Variants in SORCS3 observed in about 807,000 individuals in gnomAD.
SORCS3 encodes sortilin related VPS10 domain containing receptor 3.
A neutral mutation model predicts 146.3 loss-of-function variants in SORCS3; 57 were observed. That is an observed-to-expected ratio of 0.39 (90% CI 0.31 to 0.49). SORCS3 has a LOEUF of 0.49. SORCS3 is among the 20% of genes least tolerant of loss of function. SORCS3 has a pLI of 0.92. For missense variants in SORCS3, 1,341 were observed against 1,575.5 expected, an observed-to-expected ratio of 0.85 and a Z score of 2.52; for synonymous variants, 653 against 618.5, an observed-to-expected ratio of 1.06 and a Z score of -0.83.
chr10:104,817,713 T>C (rs2017820037), intron 1 of SORCS3, among the ~76,000 whole-genome samples: 1 of 96,074 alleles, frequency 1.0e-5, no homozygotes, highest in Non-Finnish European at 2.0e-5. Context: ...TTATTTTCCC[T>C]CCCCTCCTCC....
chr10:104,947,287 A>T (rs897544206), intron 3 of SORCS3, among the ~76,000 whole-genome samples: 4 of 152,126 alleles, frequency 2.6e-5, no homozygotes, highest in Non-Finnish European at 5.9e-5. Flanking sequence ...GGGTCCATGC[A>T]TTCTGTAGTT....
At chr10:105,219,450 C>A (rs894205055) in intron 19 of SORCS3, among the ~76,000 whole-genome samples, 11 of 152,148 alleles carry the variant, frequency 7.2e-5, no homozygotes, top group Admixed American at 2.0e-4. Context: ...TCCAGATTCC[C>A]AATGGAAAGC....
Position 104,899,293 on chromosome 10 carries a change from A to T in SORCS3, c.696-16540A>T, listed in dbSNP as rs565727703. Among the ~76,000 whole-genome samples, 5 of 152,324 alleles carry T rather than the reference A, an allele frequency of 3.3e-5. No homozygotes were observed. In the South Asian group the frequency reaches 8.3e-4, roughly 25 times the overall value. ...CACATTAAAACTTACAGACTCACAC[A>T]CATCCTTTCAGGGAGATTCCTGCCA... On this transcript the variant is annotated intron_variant, in intron 2 of 26. Coordinates refer to ENST00000369701, the MANE Select transcript of SORCS3 (RefSeq NM_014978.3).
intron 2 of SORCS3, among the ~76,000 whole-genome samples, chr10:104,876,452 T>C (rs2018572472): frequency 6.6e-6 from 1 of 152,152 alleles, no homozygotes; most frequent in Non-Finnish European, 1.5e-5. Context: ...GTCTGGCACT[T>C]ATAGATCTGT....
At chr10:104,741,242 A>C (rs2016838943) in intron 1 of SORCS3, among the ~76,000 whole-genome samples, 1 of 141,034 alleles carries the variant, frequency 7.1e-6, no homozygotes, top group Non-Finnish European at 1.5e-5. Context: ...GAGTACTGGG[A>C]TTATAGGCAC....
At chr10:104,886,848 T>A (rs1172290216) in intron 2 of SORCS3, among the ~76,000 whole-genome samples, 1 of 152,206 alleles carries the variant, frequency 6.6e-6, no homozygotes, top group Non-Finnish European at 1.5e-5. Flanking sequence ...TTCCACAATT[T>A]ACCCACTACC....
chr10:104,867,306 A>G lies in SORCS3; in HGVS notation c.695+24447A>G, dbSNP rs147799309. Among the ~76,000 whole-genome samples, 1,298 of 150,816 alleles carry G rather than the reference A, an allele frequency of 8.6e-3. 17 individuals carry two copies. The highest frequency in any genetic ancestry group is 0.03 in the African/African-American group (1,227 of 41,178). ...GTGAGGAAAGTGAAATTCCCAGTGT[A>G]CAATTTTTTTTTTTTTTTTTTGAGA... is the stretch of plus-strand genomic sequence containing the variant. On this transcript the variant is annotated intron_variant, in intron 2 of 26. Transcript: ENST00000369701.
At chr10:104,812,896 T>A (rs1011630200) in intron 1 of SORCS3, among the ~76,000 whole-genome samples, 1 of 152,224 alleles carries the variant, frequency 6.6e-6, no homozygotes, top group Non-Finnish European at 1.5e-5. Flanking sequence ...GGGTGGATCA[T>A]GGGTATATGG....
intron 2 of SORCS3, among the ~76,000 whole-genome samples, chr10:104,853,595 A>C (rs2018297220): frequency 6.6e-6 from 1 of 152,218 alleles, no homozygotes; most frequent in South Asian, 2.1e-4. Context: ...TGAGGTTTAA[A>C]TTCCTGGAAG....
intron 1 of SORCS3, among the ~76,000 whole-genome samples, chr10:104,777,492 G>A (rs888344363): frequency 1.1e-4 from 16 of 152,180 alleles, no homozygotes; most frequent in African/African-American, 2.9e-4. Flanking sequence ...CTTTGCCCTC[G>A]CAACCTATTC....
intron 4 of SORCS3, among the ~76,000 whole-genome samples, chr10:105,008,955 G>A (rs1285846180): frequency 2.6e-5 from 4 of 152,178 alleles, no homozygotes; most frequent in African/African-American, 9.7e-5. Context: ...CTTGAGCTGA[G>A]TTTTGGCTGC....
At chr10:104,816,944 C>T (rs1346898516) in intron 1 of SORCS3, among the ~76,000 whole-genome samples, 1 of 152,180 alleles carries the variant, frequency 6.6e-6, no homozygotes, top group Non-Finnish European at 1.5e-5. Flanking sequence ...TGGAGGGAGG[C>T]CAAGCCTTCA....
chr10:104,907,550 A>C (rs909288416), intron 2 of SORCS3, among the ~76,000 whole-genome samples: 2 of 152,194 alleles, frequency 1.3e-5, no homozygotes, highest in Admixed American at 6.5e-5. Context: ...TCTACAACTT[A>C]TCTGATCCGA....
At chr10:104,699,707 T>C (rs918063833) in intron 1 of SORCS3, among the ~76,000 whole-genome samples, 1 of 152,174 alleles carries the variant, frequency 6.6e-6, no homozygotes, top group African/African-American at 2.4e-5. Context: ...GGCTATGATA[T>C]GGGGTCTTTA....
At chr10:104,814,881 A>AT (rs1398940099) in intron 1 of SORCS3, among the ~76,000 whole-genome samples, 1 of 152,184 alleles carries the variant, frequency 6.6e-6, no homozygotes, top group Non-Finnish European at 1.5e-5. Flanking sequence ...ACATTATTAT[A>AT]TATTACAAAT....
chr10:104,749,273 G>A (rs1025131262), intron 1 of SORCS3, among the ~76,000 whole-genome samples: 1 of 147,960 alleles, frequency 6.8e-6, no homozygotes, highest in Admixed American at 6.8e-5. Context: ...GTGTGTAATG[G>A]TTACAACGAA....
chr10:105,125,419 A>ATTC (rs996091066), intron 7 of SORCS3, among the ~76,000 whole-genome samples: 3 of 152,102 alleles, frequency 2.0e-5, no homozygotes, highest in Non-Finnish European at 4.4e-5. Flanking sequence ...AGGCACTGAA[A>ATTC]GGTTAAGCCA....
intron 4 of SORCS3, among the ~76,000 whole-genome samples, chr10:105,006,808 C>T (rs548944350): frequency 6.6e-6 from 1 of 152,310 alleles, no homozygotes; most frequent in South Asian, 2.1e-4. Context: ...CCCAACCATC[C>T]TATGTAAAAT....
intron 1 of SORCS3, among the ~76,000 whole-genome samples, chr10:104,757,535 C>T (rs546677225): frequency 6.6e-5 from 10 of 152,226 alleles, no homozygotes; most frequent in Admixed American, 3.3e-4. Context: ...GTGAATTTTG[C>T]GCTTCTGCCA....
Sources: gnomAD v4.1 joint callset for allele counts (sites outside exome capture counted in the v4.1 genomes callset) on GRCh38, gnomAD v4.1.1 for gene constraint, MANE v1.5 for transcripts, NCBI Gene and HGNC (gene_info 2026-07-23, HGNC 2026-07-21) for gene names.